The following PACS2 variants were observed in gnomAD, a reference collection of about 807,000 sequenced individuals.
The protein encoded by PACS2 is PACS1-like protein.
PACS2 carries 36 observed loss-of-function variants against 113.0 expected under a neutral mutation model. The ratio of observed to expected loss-of-function variants is 0.32; its 90% confidence interval spans 0.24 to 0.42. The LOEUF is 0.42. Among genes scored for constraint, PACS2 ranks in the 10% least tolerant of loss-of-function variants. The probability of loss-of-function intolerance (pLI) is 1.00; values close to 1 mark genes in which losing one functional copy is unlikely to be tolerated. For synonymous variants in PACS2, 589 were observed against 536.1 expected, an observed-to-expected ratio of 1.10 and a Z score of -1.36; for missense variants, 1,015 against 1,239.5, an observed-to-expected ratio of 0.82 and a Z score of 2.72.
Position 105,355,447 on chromosome 14 carries a change from T to C in PACS2, c.423+270T>C, listed in dbSNP as rs587703966. On this transcript the variant is annotated intron_variant, in intron 4 of 24. Transcript: ENST00000447393. The surrounding 1 kb of genome is among the most constrained non-coding windows in gnomAD (Gnocchi z 4.1). ...CCCTCTAACGAGCCTGTCCTGCCCT[T>C]CAGTGGAGGCTGGGTTTTGGGTCAG... Among the ~76,000 whole-genome samples the C allele has an allele frequency of 1.3e-5, 2 of 152,344 alleles. No homozygotes were observed. Among genetic ancestry groups the C allele is most frequent in the East Asian group, 3.9e-4 (2 of 5,170 alleles).
intron 2 of PACS2, among the ~76,000 whole-genome samples, chr14:105,351,896 C>T (rs1441995624): frequency 9.2e-5 from 14 of 152,266 alleles, no homozygotes; most frequent in Admixed American, 2.0e-4. Flanking sequence ...GAGGCACATG[C>T]CTGTAAGGCT....
chr14:105,345,256 A>C (rs2059879470), intron 1 of PACS2, among the ~76,000 whole-genome samples: 1 of 151,370 alleles, frequency 6.6e-6, no homozygotes, highest in Admixed American at 6.6e-5. Context: ...AAATACAAAA[A>C]ATTAGCTGGG....
intron 22 of PACS2, chr14:105,392,383 C>T: frequency 1.8e-6 from 1 of 559,860 alleles, no homozygotes; most frequent in Non-Finnish European, 3.2e-6. Flanking sequence ...GGTGGACAGG[C>T]CTCCCAGGCC....
At chr14:105,393,522 T>C (rs1330786497) in intron 24 of PACS2, 187 bp downstream of exon 24, 7 of 478,784 alleles carry the variant, frequency 1.5e-5, no homozygotes, top group Non-Finnish European at 2.5e-5. Context: ...TGAGAAAGAA[T>C]TTTTTTTCAA....
chr14:105,334,818 CG>C (rs140879118), intron 1 of PACS2, among the ~76,000 whole-genome samples: 2,190 of 152,320 alleles, frequency 0.014, 58 homozygotes, highest in African/African-American at 0.05. Flanking sequence ...ACGTGCACTG[CG>C]GGGGGGAGCT....
At chr14:105,313,864 G>A (rs1439246755), upstream of PACS2, among the ~76,000 whole-genome samples, 1 of 152,190 alleles carries the variant, frequency 6.6e-6, no homozygotes, top group Non-Finnish European at 1.5e-5. Context: ...CCCTCCCTGA[G>A]CCCCAGAGCC....
At chr14:105,303,173 C>T (rs1305131893) in intron 1 of PACS2, among the ~76,000 whole-genome samples, 2 of 152,196 alleles carry the variant, frequency 1.3e-5, no homozygotes, top group Admixed American at 1.3e-4. Context: ...AAGTGATCCA[C>T]CTGTCTTGGT....
chr14:105,382,020 T>C lies in PACS2; in HGVS notation c.1375T>C (p.Cys459Arg), dbSNP rs782338637. The change falls in exon 13 of 25, where the codon TGC becomes CGC. Residue 459 changes from cysteine to arginine, a missense_variant. Physicochemically the swap from Cys to Arg is radical, Grantham distance 180 (BLOSUM62 -3). Transcript: ENST00000447393. ...GGCCAACAGCCTGGACAACGAGCGCTGCCCGGACGCCCGGAGCCAGCTACA... is the reference window on the plus strand; with the variant it reads ...GGCCAACAGCCTGGACAACGAGCGCCGCCCGGACGCCCGGAGCCAGCTACA... ...ERANSLDNER[C>R]PDARSQLQVQ... 30 of 1,549,698 alleles carry C rather than the reference T, an allele frequency of 1.9e-5. No homozygotes were observed. The South Asian group carries it at 3.5e-4, about 18-fold the overall frequency.
At chr14:105,359,870 C>T (rs909472493) in intron 4 of PACS2, among the ~76,000 whole-genome samples, 4 of 152,186 alleles carry the variant, frequency 2.6e-5, no homozygotes, top group East Asian at 1.9e-4. Context: ...GGATTACAGG[C>T]GTGAGCCACT....
rs10132353 is a variant in PACS2, at chr14:105,354,485, T to C, written c.298-567T>C. On this transcript the variant is annotated intron_variant, in intron 3 of 24. Transcript: ENST00000447393. The surrounding 1 kb of genome is among the most constrained non-coding windows in gnomAD (Gnocchi z 4.2). ...CAGTTAGGGTGGTGAACAGCCCCATTTTCCCCTAAGTATTTAAACTGATTT... is the reference window on the plus strand; with the variant it reads ...CAGTTAGGGTGGTGAACAGCCCCATCTTCCCCTAAGTATTTAAACTGATTT... Among the ~76,000 whole-genome samples the C allele has an allele frequency of 0.077, 11,719 of 152,142 alleles. 1,537 individuals carry two copies. Among genetic ancestry groups the C allele is most frequent in the African/African-American group, 0.27 (11,076 of 41,468 alleles).
chr14:105,394,459 C>T (rs1555415951), intron 24 of PACS2, 95 bp from the exon 25 acceptor site: 1 of 1,575,482 alleles, frequency 6.3e-7, no homozygotes, highest in African/African-American at 1.3e-5. Context: ...TCCTGTACGC[C>T]CGGCTGCCAC....
chr14:105,307,624 CA>C (rs1294737051), intron 1 of PACS2, among the ~76,000 whole-genome samples: 1 of 152,336 alleles, frequency 6.6e-6, no homozygotes, highest in East Asian at 1.9e-4. Flanking sequence ...ATGCAGCAGT[CA>C]GCAGGGGAAA....
At chr14:105,352,274 G>A in intron 2 of PACS2, 104 bp from the exon 3 acceptor site, 2 of 757,264 alleles carry the variant, frequency 2.6e-6, no homozygotes, top group Admixed American at 1.8e-5. Flanking sequence ...AGACTGCAGG[G>A]CTGCAATCCT....
In PACS2 at chr14:105,356,668, C is replaced by T. The variant is rs2060460361; in HGVS notation, c.423+1491C>T. 6.6e-6 allele frequency among the ~76,000 whole-genome samples: 1 copy of T among 152,028 alleles called. No individual in the cohort carries two copies. The highest frequency in any genetic ancestry group is 1.9e-4 in the East Asian group (1 of 5,196). ...CTCTGTTTCCCATTAGCCATGCAGG[C>T]GAGGTCCTGCTGATCCCTGCCGGTC... On this transcript the variant is annotated intron_variant, in intron 4 of 24. Transcript: ENST00000447393. The surrounding 1 kb of genome is among the most constrained non-coding windows in gnomAD (Gnocchi z 4.0).
At chr14:105,342,333 T>C in intron 1 of PACS2, among the ~76,000 whole-genome samples, 1 of 151,170 alleles carries the variant, frequency 6.6e-6, no homozygotes, top group East Asian at 2.0e-4. Flanking sequence ...AGTGGTGCAA[T>C]CACAGCTGAC....
chr14:105,310,533 CAAA>C (rs764203821), upstream of PACS2, among the ~76,000 whole-genome samples: 4 of 79,742 alleles, frequency 5.0e-5, no homozygotes, highest in South Asian at 1.1e-3. Flanking sequence ...GACTCTGTCT[CAAA>C]AAAAAAAAAA....
intron 19 of PACS2, among the ~76,000 whole-genome samples, chr14:105,386,240 C>T (rs781948384): frequency 1.4e-4 from 22 of 152,182 alleles, no homozygotes; most frequent in Non-Finnish European, 2.6e-4. Context: ...GCCCTACACA[C>T]GGGGACGCCC....
chr14:105,362,439 A>T lies in PACS2; in HGVS notation c.424-4774A>T, dbSNP rs587762307. On this transcript the variant is annotated intron_variant, in intron 4 of 24. Transcript: ENST00000447393. ...CTCAAAAAAAAAAAAAAGAAAAGAA[A>T]AAAAAAGAATGGTGAGTCATTTCCA... Among the ~76,000 whole-genome samples, 554 of 151,522 alleles carry T rather than the reference A, an allele frequency of 3.7e-3. 10 individuals carry two copies. The highest frequency in any genetic ancestry group is 0.013 in the African/African-American group (521 of 41,014).
At chr14:105,322,241 T>A (rs2058924064) in intron 1 of PACS2, among the ~76,000 whole-genome samples, 1 of 151,358 alleles carries the variant, frequency 6.6e-6, no homozygotes. Context: ...GGCCTTTTTT[T>A]ATTTTTATTT....
Sources: allele counts gnomAD v4.1 joint callset (sites outside exome capture counted in the v4.1 genomes callset), GRCh38; gene constraint gnomAD v4.1.1; non-coding constraint Gnocchi (gnomAD v3.1); transcripts MANE v1.5; gene names NCBI Gene and HGNC (gene_info 2026-07-23, HGNC 2026-07-21).